Variants in SPRY3 observed in about 807,000 individuals in gnomAD.
SPRY3 encodes the protein sprouty RTK signaling antagonist 3, also known as protein sprouty homolog 3.
SPRY3 carries 15 observed loss-of-function variants against 20.2 expected under a neutral mutation model. That is an observed-to-expected ratio of 0.74 (90% confidence interval 0.50 to 1.14). The LOEUF (loss-of-function observed/expected upper bound fraction) is 1.14. Ranked by LOEUF, SPRY3 falls within the 50% of genes most tolerant of loss-of-function variation. The pLI is 0.00. For missense variants in SPRY3, 364 were observed against 363.9 expected, an observed-to-expected ratio of 1.00 and a Z score of 0.00; for synonymous variants, 143 against 136.5, an observed-to-expected ratio of 1.05 and a Z score of -0.33.
At chrX:155,774,496 G>A (rs2091408557) in exon 4 of SPRY3, 2 of 1,613,996 alleles carry the variant, frequency 1.2e-6, no homozygotes, top group Non-Finnish European at 1.7e-6. Flanking sequence ...CTGTGCTGAT[G>A]AGCCCTGCTC....
chrX:155,677,026 A>C (rs2068060475), intron 2 of SPRY3, among the ~76,000 whole-genome samples: 1 of 111,463 alleles, frequency 9.0e-6, no homozygotes, highest in African/African-American at 3.3e-5. Flanking sequence ...GTATTCTTTC[A>C]GTCAGTTCGG....
chrX:155,692,380 G>C (rs2068105951), intron 2 of SPRY3, among the ~76,000 whole-genome samples: 1 of 111,235 alleles, frequency 9.0e-6, no homozygotes, highest in South Asian at 3.7e-4. Context: ...AGTCTATTAT[G>C]TTTCAGTGAC....
intron 1 of SPRY3, among the ~76,000 whole-genome samples, chrX:155,621,765 C>A (rs1204791304): frequency 9.0e-6 from 1 of 111,683 alleles, no homozygotes; most frequent in Non-Finnish European, 1.9e-5. Flanking sequence ...TCTAGTATGA[C>A]TGACTTCCTG....
chrX:155,773,599 C>T (rs2091397921), intron 3 of SPRY3, among the ~76,000 whole-genome samples, 167 bp from the exon 3 acceptor site: 4 of 151,700 alleles, frequency 2.6e-5, no homozygotes, highest in Admixed American at 2.6e-4. Flanking sequence ...ATGAGATTTG[C>T]CTATAAAGAA....
intron 2 of SPRY3, among the ~76,000 whole-genome samples, chrX:155,707,718 A>C (rs1330559612): frequency 6.6e-6 from 1 of 151,198 alleles, no homozygotes; most frequent in African/African-American, 2.4e-5. Flanking sequence ...CTATGTACTC[A>C]TATCAATATA....
chrX:155,677,272 A>C (rs1569562580), intron 2 of SPRY3, among the ~76,000 whole-genome samples: 1 of 111,852 alleles, frequency 8.9e-6, no homozygotes, highest in Middle Eastern at 4.2e-3. Flanking sequence ...TAGATGTTGC[A>C]TGTGAAAACT....
At chrX:155,764,657 C>T (rs141718976) in intron 2 of SPRY3, among the ~76,000 whole-genome samples, 2 of 152,008 alleles carry the variant, frequency 1.3e-5, no homozygotes, top group African/African-American at 4.8e-5. Context: ...AATTGGGAGA[C>T]AGACAATTAT....
At chrX:155,773,105 T>C (rs747886556) in intron 3 of SPRY3, among the ~76,000 whole-genome samples, 1 of 151,980 alleles carries the variant, frequency 6.6e-6, no homozygotes, top group East Asian at 1.9e-4. Context: ...TGATTAGTCT[T>C]GGTTTCCTTA....
intron 1 of SPRY3, among the ~76,000 whole-genome samples, chrX:155,627,080 T>C (rs1557350011): frequency 4.5e-5 from 5 of 112,059 alleles, no homozygotes; most frequent in Non-Finnish European, 9.4e-5. Flanking sequence ...GTTATCATAT[T>C]CGTAGTGAGA....
chrX:155,728,194 C>T (rs1324150392), intron 2 of SPRY3, among the ~76,000 whole-genome samples: 3 of 152,118 alleles, frequency 2.0e-5, no homozygotes, highest in Admixed American at 6.6e-5. Context: ...AAGCTTCGTC[C>T]CAGAGGGGCA....
At chrX:155,637,687 T>A (rs1415641598) in intron 1 of SPRY3, among the ~76,000 whole-genome samples, 3 of 111,757 alleles carry the variant, frequency 2.7e-5, no homozygotes, top group South Asian at 3.8e-4. Flanking sequence ...TTTCTGGGAT[T>A]TAATAATTTC....
At chrX:155,740,712 A>G (rs1195625125) in intron 2 of SPRY3, among the ~76,000 whole-genome samples, 1 of 152,038 alleles carries the variant, frequency 6.6e-6, no homozygotes, top group African/African-American at 2.4e-5. Flanking sequence ...CTGAACATAG[A>G]CCCTTATCAG....
At chrX:155,773,928 C>T in exon 4 of SPRY3, 4 of 1,613,970 alleles carry the variant, frequency 2.5e-6, no homozygotes, top group East Asian at 2.2e-5. Context: ...AACAGCTGCG[C>T]TCTACTCATG....
intron 2 of SPRY3, among the ~76,000 whole-genome samples, chrX:155,753,798 T>TAA (rs1200186031): frequency 5.3e-5 from 8 of 151,958 alleles, no homozygotes; most frequent in African/African-American, 1.9e-4. Flanking sequence ...TAGTGGGTAT[T>TAA]AAGTTGTATC....
chrX:155,619,138 TA>T (rs2067863370), intron 1 of SPRY3, among the ~76,000 whole-genome samples: 2 of 111,276 alleles, frequency 1.8e-5, no homozygotes, highest in Non-Finnish European at 3.8e-5. Flanking sequence ...ATCATGTTTT[TA>T]AAAAAAGTTT....
chrX:155,697,048 A>G (rs1281958680), intron 2 of SPRY3, among the ~76,000 whole-genome samples: 1 of 111,281 alleles, frequency 9.0e-6, no homozygotes, highest in Admixed American at 9.6e-5. Flanking sequence ...AGTAAGAACT[A>G]TTATTGTACC....
chrX:155,620,269 CTTAG>C (rs2067867119), intron 1 of SPRY3, among the ~76,000 whole-genome samples: 1 of 110,618 alleles, frequency 9.0e-6, no homozygotes, highest in South Asian at 3.8e-4. Context: ...TTATAAGATT[CTTAG>C]TTAAACACAC....
chrX:155,739,994 C>T (rs1448922003), intron 2 of SPRY3, among the ~76,000 whole-genome samples: 1 of 152,094 alleles, frequency 6.6e-6, no homozygotes, highest in Non-Finnish European at 1.5e-5. Context: ...AAGTGGGCTT[C>T]ATAAGGCAAG....
intron 2 of SPRY3, among the ~76,000 whole-genome samples, chrX:155,762,005 T>C (rs1846782429): frequency 6.6e-6 from 1 of 152,172 alleles, no homozygotes; most frequent in Admixed American, 6.5e-5. Context: ...TCTCCTGTCT[T>C]GTCACTTAAA....
Sources: allele counts gnomAD v4.1 joint callset (sites outside exome capture counted in the v4.1 genomes callset), GRCh38; gene constraint gnomAD v4.1.1; transcripts MANE v1.5; gene names NCBI Gene and HGNC (gene_info 2026-07-23, HGNC 2026-07-21).